Variants in CYP7B1 observed in about 807,000 individuals in gnomAD.
CYP7B1 encodes the protein cytochrome P450 family 7 subfamily B member 1, also known as cytochrome P450 7B1.
A neutral mutation model predicts 42.7 loss-of-function variants in CYP7B1; 29 were observed. The ratio of observed to expected loss-of-function variants is 0.68; its 90% CI spans 0.51 to 0.93. CYP7B1 has a LOEUF of 0.93. Among genes scored for constraint, CYP7B1 ranks in the 40% least tolerant of loss-of-function variants. The probability of loss-of-function intolerance (pLI) is 0.00; values close to 1 mark genes in which losing one functional copy is unlikely to be tolerated. For missense variants in CYP7B1, 655 were observed against 600.5 expected (o/e 1.09, Z -0.95); for synonymous variants, 235 against 218.2 (o/e 1.08, Z -0.68).
intron 1 of CYP7B1, among the ~76,000 whole-genome samples, chr8:64,655,022 C>T (rs1806100950): frequency 6.6e-6 from 1 of 152,088 alleles, no homozygotes; most frequent in African/African-American, 2.4e-5. Flanking sequence ...AAATCAACTC[C>T]AGACGGATTA....
intron 5 of CYP7B1, among the ~76,000 whole-genome samples, chr8:64,598,631 G>A (rs955762584): frequency 2.6e-5 from 4 of 152,090 alleles, no homozygotes; most frequent in Non-Finnish European, 4.4e-5. Flanking sequence ...ATGGTTTTCT[G>A]GTTCCTCTTT....
chr8:64,690,997 C>A (rs1806730988), intron 1 of CYP7B1, among the ~76,000 whole-genome samples: 1 of 152,180 alleles, frequency 6.6e-6, no homozygotes, highest in South Asian at 2.1e-4. Flanking sequence ...ATGAGCAATT[C>A]TGTTCTATAA....
At chr8:64,762,537 A>G (rs1807905261) in intron 1 of CYP7B1, among the ~76,000 whole-genome samples, 1 of 152,238 alleles carries the variant, frequency 6.6e-6, no homozygotes, top group African/African-American at 2.4e-5. Context: ...AAAATAGGTT[A>G]CTTCACTAAG....
intron 1 of CYP7B1, among the ~76,000 whole-genome samples, chr8:64,677,836 T>C (rs1428511941): frequency 6.7e-6 from 1 of 149,294 alleles, no homozygotes; most frequent in Non-Finnish European, 1.5e-5. Context: ...TGGCACATAA[T>C]AAGTGTTTGA....
intron 1 of CYP7B1, among the ~76,000 whole-genome samples, chr8:64,760,061 C>T (rs1422356358): frequency 6.6e-6 from 1 of 151,894 alleles, no homozygotes; most frequent in African/African-American, 2.4e-5. Flanking sequence ...GAATCACAGG[C>T]CAATAGAATA....
chr8:64,775,461 A>T (rs868463697), intron 1 of CYP7B1, among the ~76,000 whole-genome samples: 23 of 152,098 alleles, frequency 1.5e-4, no homozygotes, highest in South Asian at 1.4e-3. Flanking sequence ...CCATGTTATG[A>T]TTGGGCATTG....
chr8:64,745,724 G>A (rs1807633932), intron 1 of CYP7B1, among the ~76,000 whole-genome samples: 1 of 152,090 alleles, frequency 6.6e-6, no homozygotes. Flanking sequence ...CAGCTGCTCA[G>A]AACAACTATT....
chr8:64,794,268 T>C (rs1438659701), intron 1 of CYP7B1, among the ~76,000 whole-genome samples: 3 of 152,156 alleles, frequency 2.0e-5, no homozygotes, highest in African/African-American at 4.8e-5. Context: ...GACATGTGCA[T>C]CTTCAGGGAA....
At chr8:64,622,970 C>T (rs990112404) in intron 2 of CYP7B1, among the ~76,000 whole-genome samples, 43 of 151,808 alleles carry the variant, frequency 2.8e-4, no homozygotes, top group Admixed American at 1.8e-3. Context: ...GACTCAGCCT[C>T]TTCTTTTCCT....
intron 1 of CYP7B1, among the ~76,000 whole-genome samples, chr8:64,736,822 C>T (rs1361352289): frequency 6.6e-6 from 1 of 152,006 alleles, no homozygotes; most frequent in African/African-American, 2.4e-5. Flanking sequence ...TTTCATTTTA[C>T]CAAATCCATA....
chr8:64,666,401 A>T (rs1409845785), intron 1 of CYP7B1, among the ~76,000 whole-genome samples: 2 of 152,200 alleles, frequency 1.3e-5, no homozygotes, highest in East Asian at 3.8e-4. Flanking sequence ...TAAAATATAG[A>T]ATATTATATT....
chr8:64,587,257 G>A (rs1161037696), downstream of CYP7B1, among the ~76,000 whole-genome samples: 1 of 151,964 alleles, frequency 6.6e-6, no homozygotes, highest in Non-Finnish European at 1.5e-5. Context: ...AGGGATTCGG[G>A]ATCCGCATCC....
At chr8:64,647,486 T>C (rs1395951085) in intron 1 of CYP7B1, among the ~76,000 whole-genome samples, 2 of 152,116 alleles carry the variant, frequency 1.3e-5, no homozygotes, top group African/African-American at 2.4e-5. Flanking sequence ...TGTCTGTATA[T>C]ATTTATTTAT....
chr8:64,633,015 A>G (rs1176477402), intron 1 of CYP7B1, among the ~76,000 whole-genome samples: 1 of 152,144 alleles, frequency 6.6e-6, no homozygotes, highest in African/African-American at 2.4e-5. Flanking sequence ...TGACCAGACT[A>G]TTGTCACTGG....
At chr8:64,666,204 C>A (rs1806277553) in intron 1 of CYP7B1, among the ~76,000 whole-genome samples, 1 of 152,052 alleles carries the variant, frequency 6.6e-6, no homozygotes, top group African/African-American at 2.4e-5. Flanking sequence ...ACAAAAGTTA[C>A]TCAAAATAAC....
intron 1 of CYP7B1, among the ~76,000 whole-genome samples, chr8:64,792,734 T>G (rs2129726850): frequency 6.6e-6 from 1 of 152,304 alleles, no homozygotes; most frequent in East Asian, 1.9e-4. Context: ...ACACAGATCC[T>G]CGCAAATACG....
intron 1 of CYP7B1, among the ~76,000 whole-genome samples, chr8:64,776,397 CAAAT>C (rs1371216753): frequency 6.6e-6 from 1 of 152,014 alleles, no homozygotes; most frequent in Non-Finnish European, 1.5e-5. Flanking sequence ...AAGTTGCTGA[CAAAT>C]AAAGAACAAC....
intron 1 of CYP7B1, among the ~76,000 whole-genome samples, chr8:64,728,418 T>A (rs1477933337): frequency 2.0e-5 from 3 of 152,328 alleles, no homozygotes; most frequent in African/African-American, 7.2e-5. Context: ...TCACATGCAG[T>A]GAGCAAAAGT....
At chr8:64,631,237 C>A (rs59556318) in intron 1 of CYP7B1, among the ~76,000 whole-genome samples, 18 of 152,104 alleles carry the variant, frequency 1.2e-4, no homozygotes, top group African/African-American at 4.3e-4. Context: ...TAATTATACA[C>A]CATGAGCAAG....
Sources: gnomAD v4.1 joint callset for allele counts (sites outside exome capture counted in the v4.1 genomes callset) on GRCh38, gnomAD v4.1.1 for gene constraint, MANE v1.5 for transcripts, NCBI Gene and HGNC (gene_info 2026-07-23, HGNC 2026-07-21) for gene names.